COMMD1: variants seen among roughly 807,000 people sequenced by gnomAD.
COMMD1 encodes copper metabolism domain containing 1.
Under a neutral mutation model 17.2 loss-of-function variants are expected in COMMD1, and 10 were observed. The ratio of observed to expected loss-of-function variants is 0.58; its 90% CI spans 0.36 to 0.99. COMMD1 has a LOEUF of 0.99. Ranked by LOEUF, COMMD1 falls within the 50% of genes least tolerant of loss-of-function variation. The pLI is 0.01. For missense variants in COMMD1, 270 were observed against 231.8 expected, an observed-to-expected ratio of 1.17 and a Z score of -1.07; for synonymous variants, 97 against 91.6, an observed-to-expected ratio of 1.06 and a Z score of -0.34.
At chr2:62,075,395 C>T (rs1268944131) in intron 2 of COMMD1, among the ~76,000 whole-genome samples, 1 of 152,202 alleles carries the variant, frequency 6.6e-6, no homozygotes, top group Non-Finnish European at 1.5e-5. Context: ...ATCACAGTCG[C>T]TACCCCCACT....
At chr2:62,086,788 T>A in intron 2 of COMMD1, among the ~76,000 whole-genome samples, 1 of 152,150 alleles carries the variant, frequency 6.6e-6, no homozygotes. Flanking sequence ...TACTGTTAAC[T>A]CTTTAATAAA....
At chr2:62,007,423 A>G (rs993144610) in intron 2 of COMMD1, among the ~76,000 whole-genome samples, 1 of 152,200 alleles carries the variant, frequency 6.6e-6, no homozygotes, top group South Asian at 2.1e-4. Flanking sequence ...GAGGGAAAGT[A>G]TTCATTTATT....
At chr2:62,068,464 T>C (rs1002290413) in intron 2 of COMMD1, among the ~76,000 whole-genome samples, 1 of 152,130 alleles carries the variant, frequency 6.6e-6, no homozygotes, top group African/African-American at 2.4e-5. Context: ...AAAAGAAAAG[T>C]AATAAATTAG....
At chr2:61,921,575 C>T (rs2105194115) in intron 1 of COMMD1, among the ~76,000 whole-genome samples, 1 of 152,286 alleles carries the variant, frequency 6.6e-6, no homozygotes, top group East Asian at 1.9e-4. Flanking sequence ...TCCCGAGTAG[C>T]TGGGACTATA....
intron 1 of COMMD1, among the ~76,000 whole-genome samples, chr2:61,930,215 C>T (rs1323089553): frequency 6.6e-6 from 1 of 152,112 alleles, no homozygotes; most frequent in Non-Finnish European, 1.5e-5. Context: ...TTATAAACCT[C>T]TTTTGCTCTG....
intron 2 of COMMD1, among the ~76,000 whole-genome samples, chr2:62,125,384 T>G (rs1672859375): frequency 6.6e-6 from 1 of 152,190 alleles, no homozygotes; most frequent in Non-Finnish European, 1.5e-5. Context: ...GCTCAGTAAT[T>G]AAGTTGCAGT....
intron 2 of COMMD1, among the ~76,000 whole-genome samples, chr2:62,082,028 TG>T (rs1427637524): frequency 6.6e-6 from 1 of 152,222 alleles, no homozygotes; most frequent in Non-Finnish European, 1.5e-5. Flanking sequence ...AAAATGTCAT[TG>T]AAATATATAT....
intron 1 of COMMD1, among the ~76,000 whole-genome samples, chr2:61,908,726 ATTTTTTTG>A (rs1373987902): frequency 6.6e-6 from 1 of 151,094 alleles, no homozygotes; most frequent in Non-Finnish European, 1.5e-5. Flanking sequence ...CGCCCGGCTA[ATTTTTTTG>A]TTTTTTTGTT....
At chr2:62,060,605 C>CTA (rs1670830685) in intron 2 of COMMD1, among the ~76,000 whole-genome samples, 1 of 152,114 alleles carries the variant, frequency 6.6e-6, no homozygotes, top group South Asian at 2.1e-4. Context: ...GTTCTGCCAT[C>CTA]TAGTTTTGTT....
chr2:62,129,142 C>T lies in COMMD1; in HGVS notation c.463-6689C>T, dbSNP rs1236706274. Among the ~76,000 whole-genome samples, 4 of 152,178 alleles carry T rather than the reference C, an allele frequency of 2.6e-5. No individual in the cohort carries two copies. In the East Asian group the frequency reaches 7.7e-4, roughly 29 times the overall value. ...GCTTCGGCAGTCTGAAGAGACTTAG[C>T]TTTATGTGTGTACTGTTGGCTTTGT... On this transcript the variant is annotated intron_variant, in intron 2 of 2. Transcript: ENST00000311832.
chr2:61,950,088 C>T (rs531026803), intron 1 of COMMD1, among the ~76,000 whole-genome samples: 20 of 152,296 alleles, frequency 1.3e-4, no homozygotes, highest in African/African-American at 4.3e-4. Flanking sequence ...TAAAGTGTTT[C>T]CTCCTATAAA....
chr2:61,950,086 T>A (rs1277898631), intron 1 of COMMD1, among the ~76,000 whole-genome samples: 1 of 152,194 alleles, frequency 6.6e-6, no homozygotes, highest in Non-Finnish European at 1.5e-5. Context: ...CCTAAAGTGT[T>A]TCCTCCTATA....
rs528950126 is a variant in COMMD1 at position 61,920,146 on chromosome 2, A to G, written c.180+14288A>G. Reference sequence around the variant, plus strand: ...GTCTTTTCTCTTTTTCTTTATTATTATGTCATTTAAATTTCCACAGGCTCA... The same window carrying G: ...GTCTTTTCTCTTTTTCTTTATTATTGTGTCATTTAAATTTCCACAGGCTCA... On this transcript the variant is annotated intron_variant, in intron 1 of 2. Transcript: ENST00000311832. 5.3e-5 allele frequency among the ~76,000 whole-genome samples: 8 copies of G among 152,234 alleles called. No homozygotes were observed. The East Asian group carries it at 1.5e-3, about 29-fold the overall frequency.
At chr2:62,072,051 A>G (rs1311859668) in intron 2 of COMMD1, among the ~76,000 whole-genome samples, 1 of 151,958 alleles carries the variant, frequency 6.6e-6, no homozygotes, top group East Asian at 1.9e-4. Context: ...TCACTCTAGT[A>G]TAGTATCACA....
At chr2:61,980,831 A>G (rs1036870874) in intron 1 of COMMD1, among the ~76,000 whole-genome samples, 9 of 152,164 alleles carry the variant, frequency 5.9e-5, no homozygotes, top group Admixed American at 2.6e-4. Flanking sequence ...GCCCACGCCT[A>G]TGGATATAAG....
intron 1 of COMMD1, among the ~76,000 whole-genome samples, chr2:61,933,260 G>A (rs1670516853): frequency 6.6e-6 from 1 of 151,774 alleles, no homozygotes; most frequent in Non-Finnish European, 1.5e-5. Flanking sequence ...TATCCACATT[G>A]CTCAGCTGCT....
At chr2:61,914,923 C>T (rs1670011509) in intron 1 of COMMD1, among the ~76,000 whole-genome samples, 1 of 151,728 alleles carries the variant, frequency 6.6e-6, no homozygotes, top group Non-Finnish European at 1.5e-5. Context: ...TTCCTGGCCT[C>T]AAGTGATCCA....
intron 2 of COMMD1, among the ~76,000 whole-genome samples, chr2:62,056,319 A>G (rs2103928886): frequency 6.6e-6 from 1 of 152,338 alleles, no homozygotes. Flanking sequence ...GAGCACACAC[A>G]TCTTCTCTTA....
chr2:62,034,354 G>A (rs531346802), intron 2 of COMMD1, among the ~76,000 whole-genome samples: 55 of 152,104 alleles, frequency 3.6e-4, no homozygotes, highest in African/African-American at 1.2e-3. Context: ...ACAAAAATTA[G>A]CCAGGCGTGG....
Sources: gnomAD v4.1 joint callset for allele counts (sites outside exome capture counted in the v4.1 genomes callset) on GRCh38, gnomAD v4.1.1 for gene constraint, MANE v1.5 for transcripts, NCBI Gene and HGNC (gene_info 2026-07-23, HGNC 2026-07-21) for gene names.